RNLS: variants seen among roughly 807,000 people sequenced by gnomAD.
The protein encoded by RNLS is renalase.
In RNLS, 39 loss-of-function variants were observed where a neutral mutation model predicts 39.8. The observed-to-expected ratio is 0.98, with a 90% CI of 0.76 to 1.28. The LOEUF (loss-of-function observed/expected upper bound fraction) is 1.28. Among genes scored for constraint, RNLS ranks in the 50% most tolerant of loss-of-function variants. The pLI, the probability that RNLS is intolerant of heterozygous loss-of-function variation, is 0.00. For synonymous variants in RNLS, 147 were observed against 150.7 expected (o/e 0.98, Z 0.18); for missense variants, 410 against 413.3 (o/e 0.99, Z 0.07).
At chr10:88,197,532 C>A in the RNLS span, among the ~76,000 whole-genome samples, 2 of 152,124 alleles carry the variant, frequency 1.3e-5, no homozygotes, top group African/African-American at 4.8e-5. Context: ...CACCGCAATT[C>A]GAATAATAAG....
At chr10:88,359,758 A>G (rs1441744032) in intron 5 of RNLS, among the ~76,000 whole-genome samples, 1 of 152,118 alleles carries the variant, frequency 6.6e-6, no homozygotes, top group Non-Finnish European at 1.5e-5. Context: ...TTTATGTTGT[A>G]CTCTTTCAAA....
chr10:88,516,988 A>T (rs1032558780), intron 4 of RNLS, among the ~76,000 whole-genome samples: 6 of 151,988 alleles, frequency 3.9e-5, no homozygotes, highest in Admixed American at 3.3e-4. Flanking sequence ...TCTAGTTTTC[A>T]TTTCAAAATA....
At chr10:88,191,366 T>C in the RNLS span, among the ~76,000 whole-genome samples, 3 of 152,160 alleles carry the variant, frequency 2.0e-5, no homozygotes, top group Non-Finnish European at 4.4e-5. Flanking sequence ...TTTCTTTTTT[T>C]TCTGCATGTG....
intron 5 of RNLS, among the ~76,000 whole-genome samples, chr10:88,334,214 T>C (rs775370989): frequency 1.3e-5 from 2 of 152,226 alleles, no homozygotes; most frequent in Admixed American, 6.5e-5. Context: ...CTCTTATTTC[T>C]CCACATTCTT....
At chr10:88,260,595 G>A in the RNLS span, among the ~76,000 whole-genome samples, 8 of 152,136 alleles carry the variant, frequency 5.3e-5, no homozygotes, top group Admixed American at 2.0e-4. Context: ...CTGACTTCAC[G>A]AACAGCATCT....
rs1268791125 is a variant in RNLS, at chr10:88,432,618, T to A, written c.527-69893A>T. Among the ~76,000 whole-genome samples, 7 of 152,026 alleles carry A rather than the reference T, an allele frequency of 4.6e-5. No individual in the cohort carries two copies. In the East Asian group the frequency reaches 7.7e-4, roughly 17 times the overall value. ...CTCCTATTTTATCTCCTTTGTTGAT[T>A]TATGAGCTATAGCTCTTGGTTTTGT... On this transcript the variant is annotated intron_variant, in intron 4 of 6. Coordinates refer to ENST00000331772, the MANE Select transcript of RNLS (RefSeq NM_001031709.3).
chr10:88,273,462 C>G (rs983167381), downstream of RNLS, among the ~76,000 whole-genome samples: 2 of 152,094 alleles, frequency 1.3e-5, no homozygotes, highest in Non-Finnish European at 2.9e-5. Context: ...TGGGTTTTCT[C>G]TTAACATTAT....
chr10:88,436,253 G>C (rs1369049000), intron 4 of RNLS, among the ~76,000 whole-genome samples: 1 of 152,160 alleles, frequency 6.6e-6, no homozygotes, highest in Non-Finnish European at 1.5e-5. Context: ...GTAAAAGTGT[G>C]ATGAGACCCA....
At chr10:88,332,376 G>A (rs1847182013) in intron 5 of RNLS, among the ~76,000 whole-genome samples, 1 of 152,278 alleles carries the variant, frequency 6.6e-6, no homozygotes, top group African/African-American at 2.4e-5. Flanking sequence ...GCGGAGAAAA[G>A]ATGGTTTTAC....
the RNLS span, among the ~76,000 whole-genome samples, chr10:88,190,670 A>G: frequency 6.6e-6 from 1 of 152,296 alleles, no homozygotes; most frequent in African/African-American, 2.4e-5. Context: ...TATATGCTAT[A>G]AGCGCTTTAT....
the RNLS span, among the ~76,000 whole-genome samples, chr10:88,263,352 T>A: frequency 1.3e-5 from 2 of 152,056 alleles, no homozygotes; most frequent in Non-Finnish European, 2.9e-5. Flanking sequence ...TATCTTAAAG[T>A]CCTAAGCCAA....
intron 5 of RNLS, among the ~76,000 whole-genome samples, chr10:88,355,432 A>T (rs1198179644): frequency 6.6e-6 from 1 of 152,186 alleles, no homozygotes; most frequent in Admixed American, 6.5e-5. Flanking sequence ...TCCTTCTAAC[A>T]GTCAGGACCC....
At chr10:88,532,919 A>T (rs1488305632) in intron 4 of RNLS, among the ~76,000 whole-genome samples, 1 of 152,110 alleles carries the variant, frequency 6.6e-6, no homozygotes, top group East Asian at 1.9e-4. Flanking sequence ...GAAATGAAAT[A>T]ATAAGAAGGT....
At chr10:88,208,064 G>T in the RNLS span, among the ~76,000 whole-genome samples, 1 of 152,264 alleles carries the variant, frequency 6.6e-6, no homozygotes. Context: ...AGCACATCAA[G>T]CGACTGAAAT....
intron 5 of RNLS, among the ~76,000 whole-genome samples, chr10:88,352,810 G>A (rs182848296): frequency 1.3e-5 from 2 of 152,298 alleles, no homozygotes; most frequent in East Asian, 1.9e-4. Context: ...GTGGAATTCG[G>A]TGGTGAATCT....
chr10:88,382,322 A>G (rs1253906761), intron 4 of RNLS, among the ~76,000 whole-genome samples: 2 of 152,128 alleles, frequency 1.3e-5, no homozygotes, highest in African/African-American at 2.4e-5. Context: ...CACTTTGGCT[A>G]TGCTAAAAAA....
chr10:88,284,796 C>G lies in RNLS; in HGVS notation c.*558G>C. The G allele has an allele frequency of 1.0e-6, 1 of 985,306 alleles. No homozygotes were observed. Among genetic ancestry groups the G allele is most frequent in the South Asian group, 4.7e-5 (1 of 21,282 alleles). 61.0% of individuals were successfully genotyped at this position (985,306 alleles called of 1,614,324 possible). ...GTCTCTTTATCAGTCAAGTTGCCCT[C>G]CACACTAAGATGATGACATATATGA... is the stretch of plus-strand genomic sequence containing the variant. On this transcript the variant is annotated 3_prime_UTR_variant, in exon 7 of 7. Transcript: ENST00000331772.
At chr10:88,187,469 C>T in the RNLS span, among the ~76,000 whole-genome samples, 7 of 152,068 alleles carry the variant, frequency 4.6e-5, no homozygotes, top group Non-Finnish European at 8.8e-5. Flanking sequence ...ATGCTCCCCA[C>T]ATCTCTCAGC....
At chr10:88,386,018 C>T (rs1851839061) in intron 4 of RNLS, among the ~76,000 whole-genome samples, 1 of 151,984 alleles carries the variant, frequency 6.6e-6, no homozygotes, top group Non-Finnish European at 1.5e-5. Context: ...TCTAACAGCT[C>T]GTGATGGTGG....
Sources: allele counts gnomAD v4.1 joint callset (sites outside exome capture counted in the v4.1 genomes callset), GRCh38; gene constraint gnomAD v4.1.1; transcripts MANE v1.5; gene names NCBI Gene and HGNC (gene_info 2026-07-23, HGNC 2026-07-21).